SPON1: variants seen among roughly 807,000 people sequenced by gnomAD.
SPON1 encodes the protein spondin 1.
In SPON1, 52 loss-of-function variants were observed where a neutral mutation model predicts 111.7. The observed-to-expected ratio is 0.47, with a 90% CI of 0.37 to 0.59. The LOEUF (loss-of-function observed/expected upper bound fraction) is 0.59. Among genes scored for constraint, SPON1 ranks in the 20% least tolerant of loss-of-function variants. SPON1 has a pLI of 0.00. For missense variants in SPON1, 957 were observed against 1,068.5 expected, an observed-to-expected ratio of 0.90 and a Z score of 1.46; for synonymous variants, 410 against 395.8, an observed-to-expected ratio of 1.04 and a Z score of -0.43.
chr11:14,059,772 A>G (rs1848776267), intron 3 of SPON1, among the ~76,000 whole-genome samples: 1 of 152,200 alleles, frequency 6.6e-6, no homozygotes, highest in South Asian at 2.1e-4. Flanking sequence ...TTTCTAAAAC[A>G]GGTTTTTACA....
In SPON1 at chr11:14,224,463, C is replaced by T. The variant is rs782733708; in HGVS notation, c.826-18869C>T. Among the ~76,000 whole-genome samples, 10 of 152,090 alleles carry T rather than the reference C, an allele frequency of 6.6e-5. No homozygotes were observed. In the East Asian group the frequency reaches 7.7e-4, roughly 12 times the overall value. On this transcript the variant is annotated intron_variant, in intron 6 of 15. Coordinates refer to ENST00000576479, the MANE Select transcript of SPON1 (RefSeq NM_006108.4). ...TAAAAAAAACAAAAGCTATGTGGTTCGGGAAACTGCAAGTAGAATATCTTT... is the reference window on the plus strand; with the variant it reads ...TAAAAAAAACAAAAGCTATGTGGTTTGGGAAACTGCAAGTAGAATATCTTT...
intron 5 of SPON1, among the ~76,000 whole-genome samples, chr11:14,096,842 C>T (rs781785889): frequency 1.3e-5 from 2 of 152,150 alleles, no homozygotes; most frequent in Non-Finnish European, 2.9e-5. Context: ...ACTGGTATTG[C>T]CACTTTTTCA....
At chr11:14,001,836 CAAAT>C (rs1441661900) in intron 2 of SPON1, among the ~76,000 whole-genome samples, 3 of 151,724 alleles carry the variant, frequency 2.0e-5, no homozygotes, top group African/African-American at 7.3e-5. Context: ...GAATATCAGA[CAAAT>C]AGAGAAAAGA....
chr11:14,254,291 A>G (rs976145652), intron 7 of SPON1, among the ~76,000 whole-genome samples: 36 of 152,170 alleles, frequency 2.4e-4, no homozygotes, highest in African/African-American at 8.4e-4. Flanking sequence ...TGAAAGAAAA[A>G]CAAAAAGAGA....
At chr11:14,079,388 C>T (rs1351410852) in intron 4 of SPON1, among the ~76,000 whole-genome samples, 1 of 151,952 alleles carries the variant, frequency 6.6e-6, no homozygotes, top group Non-Finnish European at 1.5e-5. Context: ...TTTTTTTCTC[C>T]CTTCAGTAAT....
At chr11:14,249,832 C>G (rs1554940535) in intron 7 of SPON1, among the ~76,000 whole-genome samples, 1 of 152,110 alleles carries the variant, frequency 6.6e-6, no homozygotes, top group Non-Finnish European at 1.5e-5. Flanking sequence ...ACAATAAAAC[C>G]TTGGGGTAGG....
intron 6 of SPON1, among the ~76,000 whole-genome samples, chr11:14,164,228 A>G (rs1488338099): frequency 6.6e-6 from 1 of 152,172 alleles, no homozygotes; most frequent in African/African-American, 2.4e-5. Flanking sequence ...GCAGAAACTC[A>G]CGGGAAGTCC....
chr11:14,032,006 A>G (rs1554916115), intron 2 of SPON1, among the ~76,000 whole-genome samples: 1 of 152,216 alleles, frequency 6.6e-6, no homozygotes, highest in Non-Finnish European at 1.5e-5. Context: ...GGGGGATCAT[A>G]ATAGCCCCAA....
intron 7 of SPON1, among the ~76,000 whole-genome samples, chr11:14,253,273 C>T (rs544146146): frequency 6.6e-6 from 1 of 152,212 alleles, no homozygotes; most frequent in Non-Finnish European, 1.5e-5. Flanking sequence ...GATCTCCATA[C>T]GATCCTACAG....
At chr11:14,082,098 G>A (rs1848966654) in intron 5 of SPON1, among the ~76,000 whole-genome samples, 1 of 152,008 alleles carries the variant, frequency 6.6e-6, no homozygotes. Context: ...AAATGTTAGG[G>A]GCCCGTTACT....
rs1358240187 is a variant in SPON1 at position 14,266,349 on chromosome 11, T to C, written c.*662T>C. 6.6e-6 allele frequency: 1 copy of C among 152,092 alleles called. No homozygotes were observed. The highest frequency in any genetic ancestry group is 1.5e-5 in the Non-Finnish European group (1 of 68,024). 9.4% of individuals were successfully genotyped at this position (152,092 alleles called of 1,614,324 possible). On this transcript the variant is annotated 3_prime_UTR_variant, in exon 16 of 16. Transcript: ENST00000576479. ...AAATAAATAAATAAATTATGGCTGCTTTATTTAAATATAAGGTAGCTAGTT... is the reference window on the plus strand; with the variant it reads ...AAATAAATAAATAAATTATGGCTGCCTTATTTAAATATAAGGTAGCTAGTT...
rs1847981916 is a variant in SPON1 at position 13,962,739 on chromosome 11, G to A, written c.-166G>A. ...GCTCAGCTCAGCTCAGCGCAGCTCCGCGGCCGCCAAGCCGAGGCGGGCACG... is the reference window on the plus strand; with the variant it reads ...GCTCAGCTCAGCTCAGCGCAGCTCCACGGCCGCCAAGCCGAGGCGGGCACG... On this transcript the variant is annotated 5_prime_UTR_variant, in exon 1 of 16. Transcript: ENST00000576479. The A allele has an allele frequency of 1.6e-6, 1 of 620,584 alleles. No individual in the cohort carries two copies. Among genetic ancestry groups the A allele is most frequent in the Non-Finnish European group, 2.6e-6 (1 of 384,338 alleles). 38.4% of individuals were successfully genotyped at this position (620,584 alleles called of 1,614,324 possible).
intron 6 of SPON1, among the ~76,000 whole-genome samples, chr11:14,191,262 C>A (rs1299267197): frequency 6.6e-6 from 1 of 152,180 alleles, no homozygotes; most frequent in African/African-American, 2.4e-5. Context: ...GGAAGGTGGA[C>A]CAATGAGAAC....
intron 2 of SPON1, among the ~76,000 whole-genome samples, chr11:14,003,251 G>A (rs1564883649): frequency 1.3e-5 from 2 of 152,190 alleles, no homozygotes; most frequent in Non-Finnish European, 2.9e-5. Flanking sequence ...AGTGGGGCTG[G>A]TTGGGATTCC....
chr11:14,221,051 T>C (rs1848674777), intron 6 of SPON1, among the ~76,000 whole-genome samples: 1 of 152,248 alleles, frequency 6.6e-6, no homozygotes, highest in Non-Finnish European at 1.5e-5. Context: ...GCATTTGGTT[T>C]CCTCAGCATG....
At position 14,190,343 on chromosome 11, in the gene SPON1, T is replaced by A. The variant is rs77316509; in HGVS notation, c.826-52989T>A. On this transcript the variant is annotated intron_variant, in intron 6 of 15. Transcript: ENST00000576479. ...AAATGCTGCTTTACTGGTTGAACAA[T>A]AATCACTATTTCAAATCAATATTTA... Among the ~76,000 whole-genome samples the A allele has an allele frequency of 8.2e-3, 1,242 of 152,310 alleles. 18 individuals carry two copies. The highest frequency in any genetic ancestry group is 0.029 in the African/African-American group (1,197 of 41,566).
At chr11:13,993,392 C>T (rs537506831) in intron 2 of SPON1, among the ~76,000 whole-genome samples, 50 of 152,034 alleles carry the variant, frequency 3.3e-4, no homozygotes, top group African/African-American at 1.2e-3. Flanking sequence ...GTGAAAGTGG[C>T]AAGGAACTCA....
intron 5 of SPON1, among the ~76,000 whole-genome samples, chr11:14,123,102 T>A (rs771481561): frequency 6.6e-6 from 1 of 151,874 alleles, no homozygotes; most frequent in Non-Finnish European, 1.5e-5. Flanking sequence ...AGCTAGTTTT[T>A]AAAAAAATTT....
chr11:14,040,458 G>A (rs1848623666), intron 2 of SPON1, among the ~76,000 whole-genome samples: 1 of 152,092 alleles, frequency 6.6e-6, no homozygotes, highest in South Asian at 2.1e-4. Context: ...TGAATGCTAA[G>A]TAGAGGAGGA....
Sources: gnomAD v4.1 joint callset for allele counts (sites outside exome capture counted in the v4.1 genomes callset) on GRCh38, gnomAD v4.1.1 for gene constraint, MANE v1.5 for transcripts, NCBI Gene and HGNC (gene_info 2026-07-23, HGNC 2026-07-21) for gene names.